Variants in ATRNL1 observed in about 807,000 individuals in gnomAD.
ATRNL1 encodes attractin-like protein 1.
A neutral mutation model predicts 182.7 loss-of-function variants in ATRNL1; 95 were observed. That is an observed-to-expected ratio of 0.52 (90% confidence interval 0.44 to 0.62). ATRNL1 has a LOEUF of 0.62. Among genes scored for constraint, ATRNL1 ranks in the 20% least tolerant of loss-of-function variants. The probability of loss-of-function intolerance (pLI) is 0.00; values close to 1 mark genes in which losing one functional copy is unlikely to be tolerated. For synonymous variants in ATRNL1, 576 were observed against 568.3 expected (o/e 1.01, Z -0.19); for missense variants, 1,471 against 1,679.5 (o/e 0.88, Z 2.17).
At chr10:115,893,472 A>G (rs1952129749) in intron 28 of ATRNL1, among the ~76,000 whole-genome samples, 1 of 152,226 alleles carries the variant, frequency 6.6e-6, no homozygotes, top group Non-Finnish European at 1.5e-5. Flanking sequence ...ATAAAACTGA[A>G]ATAATATATG....
intron 8 of ATRNL1, among the ~76,000 whole-genome samples, chr10:115,192,856 T>C (rs921626062): frequency 6.6e-6 from 1 of 152,044 alleles, no homozygotes; most frequent in African/African-American, 2.4e-5. Context: ...TTTTTTTTGG[T>C]TTCTTTTTCA....
chr10:115,434,060 T>C (rs899800088), intron 21 of ATRNL1, among the ~76,000 whole-genome samples: 9 of 152,126 alleles, frequency 5.9e-5, no homozygotes, highest in African/African-American at 2.2e-4. Flanking sequence ...TATATAGTTC[T>C]TTATTTGTGT....
At chr10:115,483,828 C>T (rs1592721248) in intron 24 of ATRNL1, among the ~76,000 whole-genome samples, 1 of 151,494 alleles carries the variant, frequency 6.6e-6, no homozygotes, top group Non-Finnish European at 1.5e-5. Flanking sequence ...ATGAAATAAA[C>T]TTATTGAAAT....
intron 25 of ATRNL1, among the ~76,000 whole-genome samples, chr10:115,533,472 G>T (rs1851739021): frequency 6.6e-6 from 1 of 151,602 alleles, no homozygotes; most frequent in Non-Finnish European, 1.5e-5. Flanking sequence ...TTTTTATTGT[G>T]TCTATTTGAT....
intron 9 of ATRNL1, among the ~76,000 whole-genome samples, chr10:115,216,703 A>G (rs1715862617): frequency 6.6e-6 from 1 of 151,814 alleles, no homozygotes; most frequent in African/African-American, 2.4e-5. Flanking sequence ...CTTTTAAGAC[A>G]GTATACATTC....
intron 10 of ATRNL1, among the ~76,000 whole-genome samples, chr10:115,260,973 T>C (rs1851367407): frequency 1.3e-5 from 2 of 152,206 alleles, no homozygotes; most frequent in East Asian, 1.9e-4. Flanking sequence ...TTCAAAAATA[T>C]GTTTGGGATT....
chr10:115,345,691 T>C (rs1855944496), intron 19 of ATRNL1, among the ~76,000 whole-genome samples: 1 of 152,188 alleles, frequency 6.6e-6, no homozygotes, highest in Admixed American at 6.5e-5. Context: ...TCTGTGTCTC[T>C]ATCACCTTTA....
chr10:115,505,617 G>T (rs993804078), intron 24 of ATRNL1, among the ~76,000 whole-genome samples: 4 of 151,802 alleles, frequency 2.6e-5, no homozygotes, highest in Non-Finnish European at 5.9e-5. Flanking sequence ...TGTAGTAGAT[G>T]GTGCAAGAGA....
intron 26 of ATRNL1, among the ~76,000 whole-genome samples, chr10:115,616,775 G>A (rs977570638): frequency 6.6e-6 from 1 of 152,232 alleles, no homozygotes; most frequent in Admixed American, 6.5e-5. Context: ...CAAGCCTGTA[G>A]ATGCACACAG....
intron 27 of ATRNL1, among the ~76,000 whole-genome samples, chr10:115,796,577 GGTAGCA>G (rs1949659451): frequency 6.6e-6 from 1 of 152,170 alleles, no homozygotes; most frequent in Admixed American, 6.5e-5. Context: ...CATAGAGGTA[GGTAGCA>G]GTGCAATAAA....
intron 5 of ATRNL1, among the ~76,000 whole-genome samples, chr10:115,139,522 C>G (rs1845669101): frequency 6.6e-6 from 1 of 152,162 alleles, no homozygotes; most frequent in African/African-American, 2.4e-5. Context: ...AGGTAAACTC[C>G]CCTTTTTACA....
At chr10:115,835,836 A>G (rs1555095239) in intron 27 of ATRNL1, among the ~76,000 whole-genome samples, 1 of 152,136 alleles carries the variant, frequency 6.6e-6, no homozygotes, top group African/African-American at 2.4e-5. Flanking sequence ...GCCTCCATCC[A>G]TGGATAGGTT....
intron 26 of ATRNL1, among the ~76,000 whole-genome samples, chr10:115,621,546 C>T (rs1440641706): frequency 6.6e-6 from 1 of 152,058 alleles, no homozygotes; most frequent in African/African-American, 2.4e-5. Flanking sequence ...AAGCAATCCA[C>T]CCACCTCAGC....
chr10:115,463,049 C>T (rs1427333683), intron 22 of ATRNL1, among the ~76,000 whole-genome samples: 1 of 151,546 alleles, frequency 6.6e-6, no homozygotes, highest in East Asian at 1.9e-4. Context: ...ATTATGAATT[C>T]ATCCATATTG....
chr10:115,831,731 TCACCACCTCA>T (rs1555093775), intron 27 of ATRNL1, among the ~76,000 whole-genome samples: 1 of 149,354 alleles, frequency 6.7e-6, no homozygotes, highest in Non-Finnish European at 1.5e-5. Flanking sequence ...AAGGCTGCTC[TCACCACCTCA>T]CATAGTAGCT....
intron 26 of ATRNL1, among the ~76,000 whole-genome samples, chr10:115,669,702 AT>A (rs1336292042): frequency 2.0e-5 from 3 of 152,232 alleles, no homozygotes; most frequent in African/African-American, 7.2e-5. Flanking sequence ...GAGCACAAAA[AT>A]ATTTTGGTGA....
At chr10:115,753,151 G>T (rs556916322) in intron 27 of ATRNL1, among the ~76,000 whole-genome samples, 72 of 151,990 alleles carry the variant, frequency 4.7e-4, no homozygotes, top group African/African-American at 1.6e-3. Flanking sequence ...ACATATTTTT[G>T]ATAATAAAAA....
intron 24 of ATRNL1, among the ~76,000 whole-genome samples, chr10:115,477,040 A>C (rs1554973283): frequency 6.6e-6 from 1 of 151,572 alleles, no homozygotes; most frequent in Admixed American, 6.6e-5. Flanking sequence ...TGGAGAAAGG[A>C]ATGTACAGAT....
chr10:115,164,731 A>G (rs546576200), intron 6 of ATRNL1, among the ~76,000 whole-genome samples: 19 of 152,260 alleles, frequency 1.2e-4, no homozygotes, highest in African/African-American at 4.1e-4. Context: ...ACAGAGAGAC[A>G]AATATTGCAT....
Sources: gnomAD v4.1 joint callset for allele counts (sites outside exome capture counted in the v4.1 genomes callset) on GRCh38, gnomAD v4.1.1 for gene constraint, MANE v1.5 for transcripts, NCBI Gene and HGNC (gene_info 2026-07-23, HGNC 2026-07-21) for gene names.